SLC71A1: variants seen among roughly 807,000 people sequenced by gnomAD.
SLC71A1 encodes the protein solute carrier family 71 member 1, also known as hippocampus abundant gene transcript 1.
the SLC71A1 span, chr1:100,050,105 C>G: frequency 1.5e-6 from 1 of 676,194 alleles, no homozygotes; most frequent in Non-Finnish European, 2.6e-6. Flanking sequence ...GTTAATTCTC[C>G]CACCAGTATT....
At chr1:100,038,100 C>A in the SLC71A1 span, 1 of 743,888 alleles carries the variant, frequency 1.3e-6, no homozygotes, top group Non-Finnish European at 2.3e-6. Context: ...CCGCCGGAGG[C>A]AGGCCGGGCC....
the SLC71A1 span, among the ~76,000 whole-genome samples, chr1:100,081,342 G>A: frequency 6.6e-6 from 1 of 152,068 alleles, no homozygotes; most frequent in Non-Finnish European, 1.5e-5. Context: ...TTTTGCTACT[G>A]TAGTAAATAC....
the SLC71A1 span, among the ~76,000 whole-genome samples, chr1:100,040,547 G>GCCTCCTGGGTTCAAGTGATTGT: frequency 6.6e-6 from 1 of 151,988 alleles, no homozygotes. Context: ...TGTAACCACC[G>GCCTCCTGGGTTCAAGTGATTGT]CCTCCTGGGT....
chr1:100,068,893 G>A, the SLC71A1 span, among the ~76,000 whole-genome samples: 1 of 152,140 alleles, frequency 6.6e-6, no homozygotes, highest in Non-Finnish European at 1.5e-5. Flanking sequence ...TGAGGCAGGA[G>A]AATCACTTGA....
At chr1:100,045,749 C>G in the SLC71A1 span, among the ~76,000 whole-genome samples, 3 of 151,600 alleles carry the variant, frequency 2.0e-5, no homozygotes, top group Non-Finnish European at 4.4e-5. Context: ...CTCGCTCTGT[C>G]GCCCAGGCGA....
the SLC71A1 span, among the ~76,000 whole-genome samples, chr1:100,060,249 A>T: frequency 6.6e-6 from 1 of 152,212 alleles, no homozygotes; most frequent in African/African-American, 2.4e-5. Context: ...TTAATTTTGG[A>T]TTCCAGAACC....
the SLC71A1 span, among the ~76,000 whole-genome samples, chr1:100,066,937 C>T: frequency 7.5e-5 from 10 of 133,536 alleles, no homozygotes; most frequent in African/African-American, 2.6e-4. Flanking sequence ...TGCAGTGAGC[C>T]GAGATCGCGC....
chr1:100,038,993 A>G, the SLC71A1 span, among the ~76,000 whole-genome samples: 5 of 152,320 alleles, frequency 3.3e-5, no homozygotes, highest in African/African-American at 7.2e-5. Context: ...CTTAAGATCA[A>G]AAGTATTAGA....
the SLC71A1 span, among the ~76,000 whole-genome samples, chr1:100,056,773 T>C: frequency 6.6e-6 from 1 of 152,336 alleles, no homozygotes; most frequent in East Asian, 1.9e-4. Flanking sequence ...TCCAACTGTT[T>C]TCCTTAGTGA....
At chr1:100,074,843 C>CT in the SLC71A1 span, among the ~76,000 whole-genome samples, 6 of 152,208 alleles carry the variant, frequency 3.9e-5, no homozygotes, top group Non-Finnish European at 5.9e-5. Context: ...ACACTGCACT[C>CT]TAGCCTTGGC....
chr1:100,068,098 G>T, the SLC71A1 span: 1 of 1,614,080 alleles, frequency 6.2e-7, no homozygotes, highest in African/African-American at 1.3e-5. Flanking sequence ...CTAGATATTT[G>T]TTTTATCCTT....
At chr1:100,038,877 C>A in the SLC71A1 span, among the ~76,000 whole-genome samples, 1 of 152,240 alleles carries the variant, frequency 6.6e-6, no homozygotes, top group African/African-American at 2.4e-5. Context: ...TAAACCCTGA[C>A]CGGAGATGGG....
At chr1:100,055,281 T>A in the SLC71A1 span, among the ~76,000 whole-genome samples, 1 of 152,028 alleles carries the variant, frequency 6.6e-6, no homozygotes, top group African/African-American at 2.4e-5. Flanking sequence ...TTTAAGGAGT[T>A]TAAATCTTAT....
At chr1:100,067,285 C>T in the SLC71A1 span, among the ~76,000 whole-genome samples, 1 of 152,078 alleles carries the variant, frequency 6.6e-6, no homozygotes, top group Admixed American at 6.5e-5. Flanking sequence ...ACTCTGTCAC[C>T]CTGGCTGGAG....
At chr1:100,051,725 TACAA>T in the SLC71A1 span, among the ~76,000 whole-genome samples, 2 of 152,202 alleles carry the variant, frequency 1.3e-5, no homozygotes, top group Non-Finnish European at 2.9e-5. Flanking sequence ...CAGTTTAACA[TACAA>T]ATCTGTCTGG....
the SLC71A1 span, among the ~76,000 whole-genome samples, chr1:100,066,211 C>T: frequency 6.6e-6 from 1 of 152,212 alleles, no homozygotes; most frequent in Non-Finnish European, 1.5e-5. Flanking sequence ...TTACCAAGCT[C>T]AGTTTTGTTC....
chr1:100,080,799 G>C, the SLC71A1 span: 2 of 733,884 alleles, frequency 2.7e-6, no homozygotes, highest in African/African-American at 3.5e-5. Context: ...TTAAGGGACT[G>C]TGTTCTTCTA....
the SLC71A1 span, among the ~76,000 whole-genome samples, chr1:100,061,424 A>C: frequency 6.6e-6 from 1 of 152,224 alleles, no homozygotes; most frequent in Admixed American, 6.5e-5. Flanking sequence ...CTCAAAATAA[A>C]TATGAAGAAA....
At chr1:100,082,302 C>T in the SLC71A1 span, 24 of 969,740 alleles carry the variant, frequency 2.5e-5, no homozygotes, top group Middle Eastern at 2.2e-4. Flanking sequence ...CCACAGTGTA[C>T]TTTAAGATTG....
Sources: gnomAD v4.1 joint callset for allele counts (sites outside exome capture counted in the v4.1 genomes callset) on GRCh38, gnomAD v4.1.1 for gene constraint, MANE v1.5 for transcripts, NCBI Gene and HGNC (gene_info 2026-07-23, HGNC 2026-07-21) for gene names.